The following MRPL27 variants were observed in gnomAD, a reference collection of about 807,000 sequenced individuals.
The protein encoded by MRPL27 is mitochondrial ribosomal protein L27.
MRPL27 carries 4 observed loss-of-function variants against 14.6 expected under a neutral mutation model. That is an observed-to-expected ratio of 0.27 (90% CI 0.14 to 0.63). The LOEUF (loss-of-function observed/expected upper bound fraction) is 0.63, where lower values mean the gene tolerates loss of function less well. Ranked by LOEUF, MRPL27 falls within the 20% of genes least tolerant of loss-of-function variation. The pLI, the probability that MRPL27 is intolerant of heterozygous loss-of-function variation, is 0.85. For synonymous variants in MRPL27, 82 were observed against 75.5 expected (o/e 1.09, Z -0.45); for missense variants, 196 against 192.8 (o/e 1.02, Z -0.10).
At chr17:50,369,047 G>A (rs747896020) in intron 3 of MRPL27, 9 of 586,382 alleles carry the variant, frequency 1.5e-5, no homozygotes, top group Middle Eastern at 8.7e-4. Flanking sequence ...GAGCCAGGAT[G>A]CCTGGTTCAA....
intron 3 of MRPL27, chr17:50,369,595 C>A: frequency 4.9e-6 from 1 of 206,076 alleles, no homozygotes; most frequent in South Asian, 7.3e-5. Context: ...ATCTTTCAAC[C>A]ATCTGCAAGT....
intron 1 of MRPL27, among the ~76,000 whole-genome samples, chr17:50,372,323 G>C (rs1258711234): frequency 6.6e-6 from 1 of 151,318 alleles, no homozygotes; most frequent in African/African-American, 2.4e-5. Flanking sequence ...ATAGCTCACT[G>C]CAACCTCGAC....
chr17:50,368,238 T>C lies in MRPL27; in HGVS notation c.301A>G (p.Lys101Glu), dbSNP rs1430793267. ...CTGGGATGAGGCACGTAGACCTCCT[T>C]AGTGTAGCGGACTATCCCCTCTTCC... ...ALEEGIVRYT[K>E]EVYVPHPRNT... Residue 101 changes from lysine (K) to glutamate (E), a missense_variant, in exon 4 of 4, where the codon AAG becomes GAG. By Grantham distance (56) the Lys-to-Glu change is moderately conservative. Transcript: ENST00000225969. The C allele has an allele frequency of 6.2e-7, 1 of 1,614,222 alleles. No individual in the cohort carries two copies. The highest frequency in any genetic ancestry group is 1.7e-5 in the Admixed American group (1 of 60,026).
chr17:50,368,601 A>T, intron 3 of MRPL27: 1 of 591,002 alleles, frequency 1.7e-6, no homozygotes, highest in Admixed American at 3.2e-5. Flanking sequence ...CAAATCCCAA[A>T]ACCCAGGAAG....
chr17:50,370,128 C>T, intron 2 of MRPL27, 29 bp from the exon 3 acceptor site: 1 of 1,585,318 alleles, frequency 6.3e-7, no homozygotes. Context: ...GTGACTGGGG[C>T]AGCATAGCAA....
chr17:50,369,926 G>C, intron 3 of MRPL27, 106 bp downstream of exon 3: 1 of 1,233,844 alleles, frequency 8.1e-7, no homozygotes, highest in African/African-American at 1.5e-5. Flanking sequence ...CACAATGCTT[G>C]CCATTTGGTA....
chr17:50,369,222 A>C, intron 3 of MRPL27: 1 of 239,184 alleles, frequency 4.2e-6, no homozygotes, highest in Non-Finnish European at 8.0e-6. Flanking sequence ...CTAGCTCAAA[A>C]TGTGTTAGCT....
At position 50,369,896 on chromosome 17, in the gene MRPL27, C is replaced by G; in HGVS notation, c.240+136G>C. 1.9e-5 allele frequency: 18 copies of G among 966,426 alleles called. No individual in the cohort carries two copies. In the South Asian group the frequency reaches 2.6e-4, roughly 14 times the overall value. 59.9% of individuals were successfully genotyped at this position (966,426 alleles called of 1,614,324 possible). A position where few individuals can be genotyped will look rare whatever the true frequency, so the allele number is the denominator to read the frequency against. Reference sequence around the variant, plus strand: ...GGATGTGGTAAGGAAGAAATGAGATCGTGTAGGCATGGGAATCAGCACAAT... The same window carrying G: ...GGATGTGGTAAGGAAGAAATGAGATGGTGTAGGCATGGGAATCAGCACAAT... On this transcript the variant is annotated intron_variant, in intron 3 of 3. Transcript: ENST00000225969.
rs1486848992 is a variant in MRPL27, at chr17:50,368,295, C to T, written c.244G>A (p.Gly82Ser). The change falls in exon 4 of 4, where the codon GGT becomes AGT. Residue 82 changes from glycine (G) to serine (S), a missense_variant. By Grantham distance (56) the Gly-to-Ser change is moderately conservative. Transcript: ENST00000225969. Reference protein sequence around the residue: ...HFRWHPGAHVGVGKNKCLYAL... With the variant: ...HFRWHPGAHVSVGKNKCLYAL... ...TACAGACATTTATTCTTCCCAACACCCACCTGCAACACACAGACCTGGTCA... is the reference window on the plus strand; with the variant it reads ...TACAGACATTTATTCTTCCCAACACTCACCTGCAACACACAGACCTGGTCA... 4 of 1,606,950 alleles carry T rather than the reference C, an allele frequency of 2.5e-6. No individual in the cohort carries two copies. The Admixed American group carries it at 6.8e-5, about 27-fold the overall frequency.
chr17:50,370,568 G>C lies in MRPL27; in HGVS notation c.59C>G (p.Pro20Arg), dbSNP rs754275044. 24 of 1,614,046 alleles carry C rather than the reference G, an allele frequency of 1.5e-5. No individual in the cohort carries two copies. The Admixed American group carries it at 2.7e-4, about 18-fold the overall frequency. The change falls in exon 2 of 4, where the codon CCC (proline) becomes CGC (arginine). Residue 20 changes from proline to arginine, a missense_variant. Transcript: ENST00000225969. ...TRTAVTSLLS[P>R]TPATALAVRY... is the part of the protein sequence containing the mutation. Reference sequence around the variant, plus strand: ...GACAGCAAGAGCTGTAGCCGGAGTGGGGCTTAGCAAGGATGTAACTGCAGA... The same window carrying C: ...GACAGCAAGAGCTGTAGCCGGAGTGCGGCTTAGCAAGGATGTAACTGCAGA...
At chr17:50,372,883 C>T in intron 1 of MRPL27, 1 of 574,282 alleles carries the variant, frequency 1.7e-6, no homozygotes, top group South Asian at 2.1e-5. Flanking sequence ...AAATCCCCAA[C>T]CGCCAAGGAA....
chr17:50,368,794 C>A, intron 3 of MRPL27: 1 of 697,388 alleles, frequency 1.4e-6, no homozygotes, highest in Non-Finnish European at 2.6e-6. Flanking sequence ...TTAGCTAATA[C>A]CCATGTAAGC....
intron 1 of MRPL27, among the ~76,000 whole-genome samples, chr17:50,371,370 G>A (rs369482771): frequency 2.0e-5 from 3 of 152,276 alleles, no homozygotes; most frequent in African/African-American, 7.2e-5. Flanking sequence ...CATTTCAGAA[G>A]GCTGGGCCCT....
intron 1 of MRPL27, among the ~76,000 whole-genome samples, chr17:50,371,766 G>A (rs948866355): frequency 3.3e-5 from 5 of 152,128 alleles, no homozygotes; most frequent in African/African-American, 1.2e-4. Context: ...CCGGCGCCAG[G>A]ATCTACCTAC....
At chr17:50,369,950 T>C in intron 3 of MRPL27, 82 bp downstream of exon 3, 4 of 1,468,606 alleles carry the variant, frequency 2.7e-6, no homozygotes, top group Non-Finnish European at 3.8e-6. Flanking sequence ...ACTCAATACA[T>C]GCAACTGTTA....
In MRPL27 at chr17:50,368,227, G is replaced by A. The variant is rs769906855; in HGVS notation, c.312C>T (p.Tyr104=). The change falls in exon 4 of 4, where the codon TAC becomes TAT. Residue 104 remains tyrosine (Y), a synonymous_variant. Transcript: ENST00000225969. ...EGIVRYTKEV[Y]VPHPRNTEAV... ...CCTCCGTGTTTCTGGGATGAGGCAC[G>A]TAGACCTCCTTAGTGTAGCGGACTA... 1.4e-5 allele frequency: 22 copies of A among 1,614,096 alleles called. No homozygotes were observed. The highest frequency in any genetic ancestry group is 4.5e-5 in the East Asian group (2 of 44,888).
intron 1 of MRPL27, 141 bp downstream of exon 1, chr17:50,372,990 T>C (rs905199486): frequency 8.7e-5 from 102 of 1,178,278 alleles, no homozygotes; most frequent in Non-Finnish European, 1.2e-4. Flanking sequence ...AGCGACACCG[T>C]CCCTCAAACC....
At position 50,368,287 on chromosome 17, in the gene MRPL27, C is replaced by T; in HGVS notation, c.252G>A (p.Gly84=). 6.2e-7 allele frequency: 1 copy of T among 1,611,610 alleles called. No homozygotes were observed. The highest frequency in any genetic ancestry group is 8.5e-7 in the Non-Finnish European group (1 of 1,179,546). ...CCAGGGCATACAGACATTTATTCTT[C>T]CCAACACCCACCTGCAACACACAGA... ...RWHPGAHVGV[G]KNKCLYALEE... is the part of the protein sequence containing the mutation. Residue 84 remains glycine, a synonymous_variant, in exon 4 of 4, where the codon GGG becomes GGA. Coordinates refer to ENST00000225969, the MANE Select transcript of MRPL27 (RefSeq NM_016504.3).
chr17:50,368,253 T>C lies in MRPL27; in HGVS notation c.286A>G (p.Ile96Val). The C allele has an allele frequency of 1.2e-6, 2 of 1,614,134 alleles. No homozygotes were observed. Among genetic ancestry groups the C allele is most frequent in the Non-Finnish European group, 1.7e-6 (2 of 1,180,026 alleles). Residue 96 changes from isoleucine to valine, a missense_variant, in exon 4 of 4, where the codon ATA (isoleucine) becomes GTA (valine). Ile to Val is a conservative substitution (Grantham distance 29). Coordinates refer to ENST00000225969, the MANE Select transcript of MRPL27 (RefSeq NM_016504.3). ...TAGACCTCCTTAGTGTAGCGGACTA[T>C]CCCCTCTTCCAGGGCATACAGACAT... ...NKCLYALEEG[I>V]VRYTKEVYVP...
Sources: allele counts gnomAD v4.1 joint callset (sites outside exome capture counted in the v4.1 genomes callset), GRCh38; gene constraint gnomAD v4.1.1; transcripts MANE v1.5; gene names NCBI Gene and HGNC (gene_info 2026-07-23, HGNC 2026-07-21).